The following EIF3D variants were observed in gnomAD, a reference collection of about 807,000 sequenced individuals.
The protein encoded by EIF3D is eIF3 p66.
A neutral mutation model predicts 75.4 loss-of-function variants in EIF3D; 10 were observed. That is an observed-to-expected ratio of 0.13 (90% CI 0.08 to 0.22). The LOEUF (loss-of-function observed/expected upper bound fraction) is 0.22. Among genes scored for constraint, EIF3D ranks in the 10% least tolerant of loss-of-function variants. EIF3D has a pLI of 1.00. For synonymous variants in EIF3D, 246 were observed against 248.3 expected, an observed-to-expected ratio of 0.99 and a Z score of 0.09; for missense variants, 394 against 708.0, an observed-to-expected ratio of 0.56 and a Z score of 5.03.
chr22:36,515,890 T>C (rs1441739525), intron 12 of EIF3D, among the ~76,000 whole-genome samples: 3 of 8,518 alleles, frequency 3.5e-4, no homozygotes, highest in African/African-American at 1.7e-3. Context: ...ACAGGTGATG[T>C]GGGCGGGGGG....
intron 1 of EIF3D, among the ~76,000 whole-genome samples, chr22:36,527,322 G>A (rs1934620688): frequency 6.6e-6 from 1 of 152,204 alleles, no homozygotes; most frequent in Non-Finnish European, 1.5e-5. Flanking sequence ...TGAAGAAATT[G>A]CCCAAAGTTG....
At chr22:36,525,238 A>AATTTTT (rs1569001775) in intron 3 of EIF3D, among the ~76,000 whole-genome samples, 4 of 117,606 alleles carry the variant, frequency 3.4e-5, no homozygotes, top group Admixed American at 1.0e-4. Context: ...CAGGGGTTTT[A>AATTTTT]CTTTTTTTTT....
intron 7 of EIF3D, among the ~76,000 whole-genome samples, 155 bp from the exon 8 acceptor site, chr22:36,519,692 C>T (rs932807394): frequency 6.6e-6 from 1 of 152,192 alleles, no homozygotes; most frequent in Non-Finnish European, 1.5e-5. Flanking sequence ...AGTGCTTGCT[C>T]AGTTCCTGTC....
intron 13 of EIF3D, 118 bp downstream of exon 13, chr22:36,512,342 C>T: frequency 1.4e-6 from 2 of 1,429,874 alleles, no homozygotes; most frequent in South Asian, 2.6e-5. Flanking sequence ...CTCTACCCCA[C>T]CCCTGGATTT....
intron 1 of EIF3D, 54 bp from the exon 2 acceptor site, chr22:36,526,185 A>G: frequency 2.0e-6 from 3 of 1,504,502 alleles, no homozygotes. Context: ...TCAGAGTACA[A>G]AACACCCTCC....
Position 36,511,692 on chromosome 22 carries a change from G to C in EIF3D, c.1444C>G (p.Leu482Val). Residue 482 changes from leucine (L) to valine (V), a missense_variant, in exon 14 of 15, where the codon CTG (leucine) becomes GTG (valine). Leu to Val is a conservative substitution (Grantham distance 32). Coordinates refer to ENST00000216190, the MANE Select transcript of EIF3D (RefSeq NM_003753.4). ...ATGCCCCAGGCATTCTCCACGCTCA[G>C]GTTGATCTGGCTGGCAAACTCATTA... ...KPNEFASQINLSVENAWGILR... is the reference protein window; with the variant it reads ...KPNEFASQINVSVENAWGILR... 1 of 1,614,132 alleles carries C rather than the reference G, an allele frequency of 6.2e-7. No homozygotes were observed.
Position 36,518,854 on chromosome 22 carries a change from C to G in EIF3D, c.768G>C (p.Met256Ile). 1 of 1,614,216 alleles carries G rather than the reference C, an allele frequency of 6.2e-7. No individual in the cohort carries two copies. Among genetic ancestry groups the G allele is most frequent in the Non-Finnish European group, 8.5e-7 (1 of 1,180,042 alleles). ...FATDAILATL[M>I]SCTRSVYSWD... is the part of the protein sequence containing the mutation. ...AGGAATACACTGAGCGGGTACAGCTCATCAGCGTGGCCAGGATGGCATCAG... is the reference window on the plus strand; with the variant it reads ...AGGAATACACTGAGCGGGTACAGCTGATCAGCGTGGCCAGGATGGCATCAG... Residue 256 changes from methionine (M) to isoleucine (I), a missense_variant, in exon 9 of 15, where the codon ATG becomes ATC. By Grantham distance (10) the Met-to-Ile change is conservative. Coordinates refer to ENST00000216190, the MANE Select transcript of EIF3D (RefSeq NM_003753.4).
At chr22:36,521,773 G>GAAAAA (rs58996003) in intron 6 of EIF3D, among the ~76,000 whole-genome samples, 13 of 88,738 alleles carry the variant, frequency 1.5e-4, no homozygotes, top group African/African-American at 5.0e-4. Context: ...CAAAACATAT[G>GAAAAA]AAAAAAAAAA....
Position 36,529,085 on chromosome 22 carries a change from C to T in EIF3D, c.-20G>A, listed in dbSNP as rs1934658281. On this transcript the variant is annotated 5_prime_UTR_variant, in exon 1 of 15. Coordinates refer to ENST00000216190, the MANE Select transcript of EIF3D (RefSeq NM_003753.4). Reference sequence around the variant, plus strand: ...GAAACACGCCGCTCACCTGCAATGGCCTCGGCCGGCCGGGATGGCAACAGA... The same window carrying T: ...GAAACACGCCGCTCACCTGCAATGGTCTCGGCCGGCCGGGATGGCAACAGA... 1.8e-5 allele frequency: 7 copies of T among 392,068 alleles called. No individual in the cohort carries two copies. Among genetic ancestry groups the T allele is most frequent in the Non-Finnish European group, 3.1e-5 (7 of 222,222 alleles). The allele number at this position is 392,068 out of a possible 1,614,324, so 24.3% of individuals were successfully genotyped here. A position where few individuals can be genotyped will look rare whatever the true frequency, so the allele number is the denominator to read the frequency against.
chr22:36,512,745 A>G, intron 12 of EIF3D, 143 bp from the exon 13 acceptor site: 1 of 917,096 alleles, frequency 1.1e-6, no homozygotes, highest in Middle Eastern at 2.6e-4. Flanking sequence ...TTTAAGAGAC[A>G]AAGACATAGT....
At position 36,516,465 on chromosome 22, in the gene EIF3D, G is replaced by A. The variant is rs770352309; in HGVS notation, c.1206+13C>T. On this transcript the variant is annotated intron_variant, in intron 12 of 14. Coordinates refer to ENST00000216190, the MANE Select transcript of EIF3D (RefSeq NM_003753.4). ...ATGGTGTCACCAGGAGGGTGATGGA[G>A]ATGGCGGCTCACCCTGGAATCCCAC... 23 of 1,612,194 alleles carry A rather than the reference G, an allele frequency of 1.4e-5. 1 individual carries two copies. The Admixed American group carries it at 3.5e-4, about 25-fold the overall frequency.
rs779367122 is a variant in EIF3D, at chr22:36,519,457, A to G, written c.659T>C (p.Ile220Thr). 5 of 1,614,142 alleles carry G rather than the reference A, an allele frequency of 3.1e-6. No individual in the cohort carries two copies. Among genetic ancestry groups the G allele is most frequent in the Non-Finnish European group, 4.2e-6 (5 of 1,180,040 alleles). ...GGTGACAGTGTGGAAGATGCGCTTG[A>G]TGCTCCGCAGTGGCTTCTCACTCCT... ...TTRSEKPLRS[I>T]KRIFHTVTTT... The change falls in exon 8 of 15, where the codon ATC becomes ACC. Residue 220 changes from isoleucine to threonine, a missense_variant. Transcript: ENST00000216190.
intron 1 of EIF3D, chr22:36,528,775 A>G (rs1934650422): frequency 6.5e-6 from 1 of 152,952 alleles, no homozygotes; most frequent in African/African-American, 2.4e-5. Context: ...GCCACTTCAG[A>G]AAGACTTTGT....
Position 36,511,576 on chromosome 22 carries a change from G to A in EIF3D, c.1560C>T (p.Tyr520=), listed in dbSNP as rs1418516864. 6.2e-7 allele frequency: 1 copy of A among 1,613,956 alleles called. No homozygotes were observed. Among genetic ancestry groups the A allele is most frequent in the Non-Finnish European group, 8.5e-7 (1 of 1,179,994 alleles). Residue 520 remains tyrosine (Y), a synonymous_variant, in exon 14 of 15, where the codon TAC becomes TAT. Transcript: ENST00000216190. ...AGCTGAAGGTGCCATCAGGGAGGCT[G>A]TAGACACGGATGACCTGCTTGTTGG... ...KDPNKQVIRV[Y]SLPDGTFSSD... is the part of the protein sequence containing the mutation.
intron 6 of EIF3D, 76 bp downstream of exon 6, chr22:36,523,128 TATCTC>T (rs1387502194): frequency 9.1e-7 from 1 of 1,099,064 alleles, no homozygotes; most frequent in South Asian, 1.2e-5. Context: ...ATGTGAAGTA[TATCTC>T]ATCTAAGCTA....
At chr22:36,514,554 T>A (rs1248738491) in intron 12 of EIF3D, among the ~76,000 whole-genome samples, 4 of 136,652 alleles carry the variant, frequency 2.9e-5, no homozygotes, top group Non-Finnish European at 6.6e-5. Flanking sequence ...AAGTCAGAGA[T>A]CTGAAGCACA....
intron 2 of EIF3D, 33 bp downstream of exon 2, chr22:36,525,966 C>A (rs1210472587): frequency 6.3e-7 from 1 of 1,575,242 alleles, no homozygotes. Context: ...GCCACAGCTG[C>A]AAAGATTCAG....
intron 10 of EIF3D, chr22:36,517,007 TCTA>T: frequency 3.3e-6 from 2 of 614,076 alleles, no homozygotes; most frequent in Non-Finnish European, 5.7e-6. Context: ...CATGCTCATC[TCTA>T]CTTCATTTTT....
intron 8 of EIF3D, 100 bp downstream of exon 8, chr22:36,519,305 A>T: frequency 3.9e-6 from 6 of 1,526,662 alleles, no homozygotes; most frequent in Non-Finnish European, 5.4e-6. Flanking sequence ...TACCTATAAT[A>T]CATACGTTAT....
Sources: gnomAD v4.1 joint callset for allele counts (sites outside exome capture counted in the v4.1 genomes callset) on GRCh38, gnomAD v4.1.1 for gene constraint, MANE v1.5 for transcripts, NCBI Gene and HGNC (gene_info 2026-07-23, HGNC 2026-07-21) for gene names.